PTDSS2: variants seen among roughly 807,000 people sequenced by gnomAD.
PTDSS2 encodes the protein PSS-2.
PTDSS2 carries 41 observed loss-of-function variants against 64.7 expected under a neutral mutation model. That is an observed-to-expected ratio of 0.63 (90% CI 0.49 to 0.82). The LOEUF is 0.82. Ranked by LOEUF, PTDSS2 falls within the 40% of genes least tolerant of loss-of-function variation. The pLI is 0.00. For missense variants in PTDSS2, 485 were observed against 650.0 expected (o/e 0.75, Z 2.76); for synonymous variants, 297 against 277.8 (o/e 1.07, Z -0.69).
At chr11:453,356 T>G (rs1238282299) in intron 1 of PTDSS2, among the ~76,000 whole-genome samples, 1 of 152,216 alleles carries the variant, frequency 6.6e-6, no homozygotes, top group African/African-American at 2.4e-5. Context: ...GAGGTGCCTG[T>G]GAACGTTGCC....
intron 4 of PTDSS2, among the ~76,000 whole-genome samples, chr11:481,599 T>C (rs914649466): frequency 6.6e-6 from 1 of 152,214 alleles, no homozygotes; most frequent in African/African-American, 2.4e-5. Flanking sequence ...ATTTTGTTCA[T>C]TGTGTGCTCT....
At chr11:482,180 C>G (rs1222367996) in intron 4 of PTDSS2, among the ~76,000 whole-genome samples, 1 of 150,778 alleles carries the variant, frequency 6.6e-6, no homozygotes, top group Non-Finnish European at 1.5e-5. Flanking sequence ...CTGCCCTGCC[C>G]AGAACCTCCA....
rs1590700469 is a variant in PTDSS2, at chr11:490,531, C to A, written c.1413C>A (p.Asp471Glu). 2.5e-6 allele frequency: 4 copies of A among 1,612,312 alleles called. No individual in the cohort carries two copies. Among genetic ancestry groups the A allele is most frequent in the African/African-American group, 2.7e-5 (2 of 75,050 alleles). Residue 471 changes from aspartate (D) to glutamate (E), a missense_variant, in exon 12 of 12, where the codon GAC becomes GAA. Around this residue, in one of 3 missense-constraint regions of PTDSS2, gnomAD observed 219 missense variants for 257.3 expected, o/e 0.85. Transcript: ENST00000308020. ...AGCACCCACTGGGGCTGGACGAAGA[C>A]CTGCTGGGGCCTGGGGTGGCCGAGG... is the stretch of plus-strand genomic sequence containing the variant. ...GDQHPLGLDEDLLGPGVAEGE... is the reference protein window; with the variant it reads ...GDQHPLGLDEELLGPGVAEGE...
rs1158227173 is a variant in PTDSS2 at position 461,300 on chromosome 11, A to G, written c.284+1012A>G. ...CGGGCGTTGGTGGCCCTGTTTGCCC[A>G]CTGATTTGACACCAGCCCTGTGGGC... On this transcript the variant is annotated intron_variant, in intron 2 of 11. Transcript: ENST00000308020. This position sits in a 1 kb window ranked among gnomAD's most constrained non-coding sequence, Gnocchi z 4.2. Among the ~76,000 whole-genome samples, 1 of 152,172 alleles carries G rather than the reference A, an allele frequency of 6.6e-6. No homozygotes were observed. Among genetic ancestry groups the G allele is most frequent in the African/African-American group, 2.4e-5 (1 of 41,440 alleles).
chr11:480,251 C>T (rs1047330671), intron 4 of PTDSS2: 7 of 135,598 alleles, frequency 5.2e-5, no homozygotes, highest in African/African-American at 1.4e-4. Context: ...CAGGATCATG[C>T]GGTGTGCAGC....
At chr11:451,177 C>G (rs1250589203) in intron 1 of PTDSS2, among the ~76,000 whole-genome samples, 6 of 152,202 alleles carry the variant, frequency 3.9e-5, no homozygotes, top group Non-Finnish European at 8.8e-5. Context: ...CGGTGTTCGT[C>G]GAATCCAGGC....
At chr11:448,931 G>T (rs1846205126), upstream of PTDSS2, among the ~76,000 whole-genome samples, 2 of 152,010 alleles carry the variant, frequency 1.3e-5, no homozygotes, top group South Asian at 4.1e-4. Flanking sequence ...CTTTGTAGTC[G>T]CTCCTTATTA....
rs1314951292 is a variant in PTDSS2 at position 479,845 on chromosome 11, CACACATT to C, written c.435+694_435+700del. 1.3e-5 allele frequency among the ~76,000 whole-genome samples: 2 copies of C among 152,194 alleles called. No homozygotes were observed. The highest frequency in any genetic ancestry group is 2.9e-5 in the Non-Finnish European group (2 of 68,026). On this transcript the variant is annotated intron_variant, in intron 4 of 11. Coordinates refer to ENST00000308020, the MANE Select transcript of PTDSS2 (RefSeq NM_030783.3). This position sits in a 1 kb window ranked among gnomAD's most constrained non-coding sequence, Gnocchi z 4.2. ...TTTGTTCTGTTTAACTTAGTGTAAA[CACACATT>C]TTTGGGGCTGTCTTCAGCTTACAAA... is the stretch of plus-strand genomic sequence containing the variant.
At chr11:464,806 A>G (rs1847068349) in intron 2 of PTDSS2, among the ~76,000 whole-genome samples, 2 of 152,246 alleles carry the variant, frequency 1.3e-5, no homozygotes, top group Admixed American at 1.3e-4. Context: ...ATTTTACTCA[A>G]TAAAATACAT....
At chr11:475,656 G>A (rs1466923242) in intron 3 of PTDSS2, among the ~76,000 whole-genome samples, 1 of 152,152 alleles carries the variant, frequency 6.6e-6, no homozygotes, top group African/African-American at 2.4e-5. Context: ...CAGGTTCAAC[G>A]ACTTTAGTCA....
upstream of PTDSS2, chr11:448,312 C>A (rs984005444): frequency 6.6e-6 from 1 of 152,234 alleles, no homozygotes; most frequent in Non-Finnish European, 1.5e-5. Context: ...CATCTCCCCG[C>A]CCCGGCCTCT....
At chr11:451,396 G>T in intron 1 of PTDSS2, 1 of 449,160 alleles carries the variant, frequency 2.2e-6, no homozygotes. Flanking sequence ...TGCGACCCTG[G>T]GCTGGCCCTT....
chr11:453,128 A>T (rs1312746454), intron 1 of PTDSS2, among the ~76,000 whole-genome samples: 1 of 152,006 alleles, frequency 6.6e-6, no homozygotes, highest in Non-Finnish European at 1.5e-5. Context: ...AGCCATAGGG[A>T]TAGGGCGTGC....
chr11:450,776 C>T (rs929354594), intron 1 of PTDSS2, 139 bp downstream of exon 1: 4 of 765,908 alleles, frequency 5.2e-6, no homozygotes, highest in Non-Finnish European at 7.1e-6. Context: ...GAGGGTGTGG[C>T]AGCACCGCCC....
intron 1 of PTDSS2, among the ~76,000 whole-genome samples, chr11:452,239 A>G (rs1590598412): frequency 6.6e-6 from 1 of 152,098 alleles, no homozygotes; most frequent in Non-Finnish European, 1.5e-5. Context: ...CATTGTGGGG[A>G]CCCCTACTGC....
intron 4 of PTDSS2, among the ~76,000 whole-genome samples, chr11:482,047 C>T (rs1848095364): frequency 6.6e-6 from 1 of 151,542 alleles, no homozygotes; most frequent in Non-Finnish European, 1.5e-5. Context: ...CAGGGTTTCT[C>T]CATGTTGAGG....
Position 489,455 on chromosome 11 carries a change from G to C in PTDSS2, c.910G>C (p.Glu304Gln), listed in dbSNP as rs201475915. 2 of 1,613,132 alleles carry C rather than the reference G, an allele frequency of 1.2e-6. No individual in the cohort carries two copies. Among genetic ancestry groups the C allele is most frequent in the East Asian group, 4.5e-5 (2 of 44,892 alleles). The change falls in exon 9 of 12, where the codon GAG becomes CAG. Residue 304 changes from glutamate to glutamine, a missense_variant. Coordinates refer to ENST00000308020, the MANE Select transcript of PTDSS2 (RefSeq NM_030783.3). ...QFTPYSWVRFEWKPASSLRRW... is the reference protein window; with the variant it reads ...QFTPYSWVRFQWKPASSLRRW... ...CACGCCGTACAGCTGGGTTCGCTTC[G>C]AGTGGAAGCCGGCCTCCAGCCTGCG...
At chr11:485,226 C>T (rs925390321) in intron 4 of PTDSS2, among the ~76,000 whole-genome samples, 2 of 126,664 alleles carry the variant, frequency 1.6e-5, no homozygotes, top group African/African-American at 3.2e-5. Context: ...TGTGCGCAGG[C>T]GAGTGTAAAC....
intron 4 of PTDSS2, among the ~76,000 whole-genome samples, chr11:485,779 G>A (rs1848338954): frequency 1.5e-5 from 2 of 132,856 alleles, no homozygotes; most frequent in South Asian, 4.7e-4. Flanking sequence ...GCGCGCGTGT[G>A]CTCACCGTGC....
Sources: gnomAD v4.1 joint callset for allele counts (sites outside exome capture counted in the v4.1 genomes callset) on GRCh38, gnomAD v4.1.1 for gene constraint, gnomAD v4.1.1 regional missense constraint, Gnocchi (gnomAD v3.1) non-coding constraint, MANE v1.5 for transcripts, NCBI Gene and HGNC (gene_info 2026-07-23, HGNC 2026-07-21) for gene names.